The following SLC5A10 variants were observed in gnomAD, a reference collection of about 807,000 sequenced individuals.
The protein encoded by SLC5A10 is sodium/mannose cotransporter SLC5A10.
Under a neutral mutation model 68.9 loss-of-function variants are expected in SLC5A10, and 55 were observed. The observed-to-expected ratio is 0.80, with a 90% CI of 0.64 to 1.00. SLC5A10 has a LOEUF of 1.00. Among genes scored for constraint, SLC5A10 ranks in the 50% least tolerant of loss-of-function variants. SLC5A10 has a pLI of 0.00. For synonymous variants in SLC5A10, 344 were observed against 344.8 expected (o/e 1.00, Z 0.02); for missense variants, 732 against 819.3 (o/e 0.89, Z 1.30).
chr17:18,999,351 T>C (rs925740294), intron 9 of SLC5A10, among the ~76,000 whole-genome samples: 1 of 151,900 alleles, frequency 6.6e-6, no homozygotes, highest in African/African-American at 2.4e-5. Context: ...GCTCTGGTGC[T>C]CCCATGCAGG....
intron 9 of SLC5A10, among the ~76,000 whole-genome samples, chr17:18,986,755 G>A (rs914961238): frequency 2.0e-5 from 3 of 152,268 alleles, no homozygotes; most frequent in Non-Finnish European, 4.4e-5. Context: ...GCTGGGGGAA[G>A]TGCAAAGCAC....
chr17:18,988,861 ACCT>A (rs1171162242), intron 9 of SLC5A10, among the ~76,000 whole-genome samples: 1 of 152,130 alleles, frequency 6.6e-6, no homozygotes, highest in African/African-American at 2.4e-5. Flanking sequence ...ATAGCAGGTG[ACCT>A]CCTGCTGGAC....
Position 19,021,967 on chromosome 17 carries a change from G to A in SLC5A10, c.*1536G>A, listed in dbSNP as rs895328754. The A allele has an allele frequency of 3.2e-6, 5 of 1,555,726 alleles. No homozygotes were observed. The highest frequency in any genetic ancestry group is 2.3e-5 in the East Asian group (1 of 43,458). On this transcript the variant is annotated 3_prime_UTR_variant, in exon 15 of 15. Coordinates refer to ENST00000395645, the MANE Select transcript of SLC5A10 (RefSeq NM_001042450.4). This position sits in a 1 kb window ranked among gnomAD's most constrained non-coding sequence, Gnocchi z 4.1. ...ATCGGCCGCCGGGCTGCTCACAGGT[G>A]CACGGGCTGCACGTAACTCCGTGGG...
chr17:18,958,202 C>CG (rs2042541209), intron 1 of SLC5A10, among the ~76,000 whole-genome samples: 1 of 152,204 alleles, frequency 6.6e-6, no homozygotes, highest in African/African-American at 2.4e-5. Flanking sequence ...TCCTAAGTAG[C>CG]GGGGGCCACA....
At chr17:18,964,464 C>T (rs2042672043) in intron 5 of SLC5A10, among the ~76,000 whole-genome samples, 1 of 152,210 alleles carries the variant, frequency 6.6e-6, no homozygotes, top group Admixed American at 6.5e-5. Context: ...TTACTGTGCA[C>T]CTACTGTGTG....
At position 19,000,183 on chromosome 17, in the gene SLC5A10, CAGTTG is replaced by C. The variant is rs1463258105; in HGVS notation, c.983-13225_983-13221del. Among the ~76,000 whole-genome samples, 1 of 152,154 alleles carries C rather than the reference CAGTTG, an allele frequency of 6.6e-6. No individual in the cohort carries two copies. Among genetic ancestry groups the C allele is most frequent in the Non-Finnish European group, 1.5e-5 (1 of 68,028 alleles). On this transcript the variant is annotated intron_variant, in intron 9 of 14. Transcript: ENST00000395645. The surrounding 1 kb of genome is among the most constrained non-coding windows in gnomAD (Gnocchi z 5.2). ...CTCCTGGGGCTAGGGGAGGGGCAGG[CAGTTG>C]ACCTTCCATCTTGGAGTAGGAGCCC...
At chr17:18,978,329 C>A in intron 9 of SLC5A10, 6 of 1,606,580 alleles carry the variant, frequency 3.7e-6, no homozygotes, top group Non-Finnish European at 5.1e-6. Context: ...GATCTTGATG[C>A]GGTTCATCTG....
At chr17:18,955,148 G>C (rs1313679238) in intron 1 of SLC5A10, among the ~76,000 whole-genome samples, 1 of 151,502 alleles carries the variant, frequency 6.6e-6, no homozygotes, top group Non-Finnish European at 1.5e-5. Context: ...CAATAGAAAG[G>C]GCTTCAGGTG....
At chr17:18,985,540 CG>C (rs892466319) in intron 9 of SLC5A10, among the ~76,000 whole-genome samples, 4 of 152,058 alleles carry the variant, frequency 2.6e-5, no homozygotes, top group African/African-American at 4.8e-5. Context: ...GAAGTGCTCC[CG>C]GGACAGGTCT....
rs141509147 is a variant in SLC5A10 at position 18,961,017 on chromosome 17, G to T, written c.453+365G>T. Among the ~76,000 whole-genome samples, 178 of 152,284 alleles carry T rather than the reference G, an allele frequency of 1.2e-3. 1 individual carries two copies. Among genetic ancestry groups the T allele is most frequent in the Admixed American group, 4.4e-3 (68 of 15,304 alleles). On this transcript the variant is annotated intron_variant, in intron 5 of 14. Coordinates refer to ENST00000395645, the MANE Select transcript of SLC5A10 (RefSeq NM_001042450.4). ...CTAGGGGGCGCCAAAAGCCCACGTG[G>T]TCTTAGCCACATCTGGTCTGCACTG...
rs745873704 is a variant in SLC5A10, at chr17:18,971,099, C to A, written c.727C>A (p.His243Asn). ...CAGGACCATTGCCAACACCACCTGCCACCTGCCACGTACAGACGCCATGCA... is the reference window on the plus strand; with the variant it reads ...CAGGACCATTGCCAACACCACCTGCAACCTGCCACGTACAGACGCCATGCA... ...PSRTIANTTC[H>N]LPRTDAMHMF... The change falls in exon 8 of 15, where the codon CAC (histidine) becomes AAC (asparagine). Residue 243 changes from histidine to asparagine, a missense_variant. Physicochemically the swap from His to Asn is moderately conservative, Grantham distance 68 (BLOSUM62 1). Transcript: ENST00000395645. This position sits in a 1 kb window ranked among gnomAD's most constrained non-coding sequence, Gnocchi z 5.5. The A allele has an allele frequency of 6.2e-7, 1 of 1,614,140 alleles. No individual in the cohort carries two copies. The highest frequency in any genetic ancestry group is 8.5e-7 in the Non-Finnish European group (1 of 1,180,034).
intron 9 of SLC5A10, among the ~76,000 whole-genome samples, chr17:18,984,360 C>A (rs1326986234): frequency 6.8e-6 from 1 of 147,036 alleles, no homozygotes; most frequent in African/African-American, 2.6e-5. Context: ...AAAAAGAGAA[C>A]CCTGCCTTAT....
intron 5 of SLC5A10, among the ~76,000 whole-genome samples, chr17:18,962,066 T>G (rs2042623569): frequency 6.6e-6 from 1 of 152,052 alleles, no homozygotes; most frequent in South Asian, 2.1e-4. Flanking sequence ...TACTCTTCCT[T>G]CCTCTCCCAC....
chr17:18,978,114 G>C (rs761408785), intron 9 of SLC5A10: 1 of 1,517,304 alleles, frequency 6.6e-7, no homozygotes, highest in Non-Finnish European at 8.8e-7. Context: ...CTGCTGTCCC[G>C]GGCTAGTACA....
chr17:18,976,866 C>T lies in SLC5A10; in HGVS notation c.859C>T (p.Arg287Ter), dbSNP rs761410107. 6 of 1,613,418 alleles carry T rather than the reference C, an allele frequency of 3.7e-6. No individual in the cohort carries two copies. The highest frequency in any genetic ancestry group is 1.6e-4 in the Middle Eastern group (1 of 6,062). Residue 287 changes from arginine to a stop codon, truncating the protein, a stop_gained, in exon 9 of 15, where the codon CGA (arginine) becomes TGA (stop). Transcript: ENST00000395645. LOFTEE classifies it high-confidence loss of function. ...YWCTDQVIVQ[R>*]SLSARDLNHA... ...ACTCCACCCCCAGGTCATCGTGCAG[C>T]GATCACTGTCAGCCCGGGACCTGAA... is the stretch of plus-strand genomic sequence containing the variant.
At chr17:18,979,110 C>T (rs776954390) in intron 9 of SLC5A10, 1 of 560,234 alleles carries the variant, frequency 1.8e-6, no homozygotes, top group Non-Finnish European at 3.2e-6. Flanking sequence ...ATTCACTAAG[C>T]AGCTCAGGAA....
chr17:18,978,526 C>A (rs768651101), intron 9 of SLC5A10: 2 of 1,613,358 alleles, frequency 1.2e-6, no homozygotes, highest in Admixed American at 3.3e-5. Context: ...GCTCAGCCAG[C>A]GCTGGGCCTT....
rs1487549597 is a variant in SLC5A10 at position 19,021,253 on chromosome 17, C to A, written c.*822C>A. ...AGAGCCAGGGCAGCCAGGGTCTCTG[C>A]GTGGCTGGGCCCAGGGCTTGCCCTC... is the stretch of plus-strand genomic sequence containing the variant. On this transcript the variant is annotated 3_prime_UTR_variant, in exon 15 of 15. Transcript: ENST00000395645. This position sits in a 1 kb window ranked among gnomAD's most constrained non-coding sequence, Gnocchi z 4.1. 1 of 152,370 alleles carries A rather than the reference C, an allele frequency of 6.6e-6. No individual in the cohort carries two copies. The highest frequency in any genetic ancestry group is 1.5e-5 in the Non-Finnish European group (1 of 68,148). 9.4% of individuals were successfully genotyped at this position (152,370 alleles called of 1,614,324 possible). A position where few individuals can be genotyped will look rare whatever the true frequency, so the allele number is the denominator to read the frequency against.
chr17:18,951,861 C>A (rs568853592), upstream of SLC5A10: 9 of 285,252 alleles, frequency 3.2e-5, no homozygotes, highest in South Asian at 4.5e-4. Context: ...ACCCATTAAG[C>A]AACCCAGCCT....
Sources: allele counts gnomAD v4.1 joint callset (sites outside exome capture counted in the v4.1 genomes callset), GRCh38; gene constraint gnomAD v4.1.1; non-coding constraint Gnocchi (gnomAD v3.1); transcripts MANE v1.5; gene names NCBI Gene and HGNC (gene_info 2026-07-23, HGNC 2026-07-21).